Variants in QKI observed in about 807,000 individuals in gnomAD.
The protein encoded by QKI is KH domain-containing RNA-binding protein QKI.
A neutral mutation model predicts 39.0 loss-of-function variants in QKI; 10 were observed. The observed-to-expected ratio is 0.26, with a 90% CI of 0.16 to 0.43. The LOEUF (loss-of-function observed/expected upper bound fraction) is 0.43, where lower values mean the gene tolerates loss of function less well. Among genes scored for constraint, QKI ranks in the 20% least tolerant of loss-of-function variants. The probability of loss-of-function intolerance (pLI) is 1.00; values close to 1 mark genes in which losing one functional copy is unlikely to be tolerated. For missense variants in QKI, 218 were observed against 428.0 expected (o/e 0.51, Z 4.33); for synonymous variants, 204 against 155.4 (o/e 1.31, Z -2.33).
intron 1 of QKI, among the ~76,000 whole-genome samples, chr6:163,445,796 A>G (rs1790110289): frequency 6.6e-6 from 1 of 151,982 alleles, no homozygotes; most frequent in Non-Finnish European, 1.5e-5. Flanking sequence ...TTGTATTTTT[A>G]GTAGAGAAGG....
intron 1 of QKI, among the ~76,000 whole-genome samples, chr6:163,436,044 T>C (rs1789244868): frequency 6.6e-6 from 1 of 152,158 alleles, no homozygotes; most frequent in Non-Finnish European, 1.5e-5. Context: ...TGCATTGTAG[T>C]GTGTATTTTG....
chr6:163,473,108 T>G (rs1297064530), intron 2 of QKI, among the ~76,000 whole-genome samples: 1 of 152,168 alleles, frequency 6.6e-6, no homozygotes, highest in African/African-American at 2.4e-5. Flanking sequence ...AAATCTTAAG[T>G]AAACCACTTG....
At chr6:163,559,160 A>G (rs1782833613) in intron 4 of QKI, among the ~76,000 whole-genome samples, 1 of 152,172 alleles carries the variant, frequency 6.6e-6, no homozygotes, top group Non-Finnish European at 1.5e-5. Flanking sequence ...CAGTGCCAAC[A>G]TGTTTTCAAG....
intron 3 of QKI, among the ~76,000 whole-genome samples, chr6:163,533,638 T>C (rs932705135): frequency 1.3e-5 from 2 of 152,222 alleles, no homozygotes; most frequent in Admixed American, 6.5e-5. Flanking sequence ...AAGAATGTAA[T>C]GTGACCTTAT....
chr6:163,476,989 T>G (rs970185150), intron 2 of QKI, among the ~76,000 whole-genome samples: 13 of 150,346 alleles, frequency 8.6e-5, no homozygotes, highest in Non-Finnish European at 1.9e-4. Flanking sequence ...GATGTGATTT[T>G]CAGATTCCTT....
chr6:163,511,009 A>G (rs1032910913), intron 3 of QKI, among the ~76,000 whole-genome samples: 3 of 152,188 alleles, frequency 2.0e-5, no homozygotes, highest in Non-Finnish European at 4.4e-5. Flanking sequence ...ATTCACCAAA[A>G]CAGAGCATGC....
chr6:163,457,634 A>ATTT (rs375211921), intron 2 of QKI: 76 of 270,334 alleles, frequency 2.8e-4, no homozygotes, highest in East Asian at 5.9e-4. Flanking sequence ...CACTCCTCTA[A>ATTT]TTTTTTTTTT....
intron 1 of QKI, among the ~76,000 whole-genome samples, chr6:163,439,940 G>A (rs1789639348): frequency 6.6e-6 from 1 of 152,134 alleles, no homozygotes; most frequent in Non-Finnish European, 1.5e-5. Context: ...GTGAGCTACT[G>A]TGCCTGGCCT....
chr6:163,417,892 T>A (rs1179086908), intron 1 of QKI, among the ~76,000 whole-genome samples: 2 of 152,204 alleles, frequency 1.3e-5, no homozygotes, highest in Non-Finnish European at 1.5e-5. Context: ...TATTCCTTAG[T>A]GTGGAATAAG....
At chr6:163,419,011 T>C (rs1582947025) in intron 1 of QKI, among the ~76,000 whole-genome samples, 1 of 152,202 alleles carries the variant, frequency 6.6e-6, no homozygotes, top group Middle Eastern at 3.4e-3. Flanking sequence ...CTTTTTATCG[T>C]GGATATCAGA....
chr6:163,428,523 A>G (rs550484910), intron 1 of QKI, among the ~76,000 whole-genome samples: 1 of 152,264 alleles, frequency 6.6e-6, no homozygotes, highest in South Asian at 2.1e-4. Flanking sequence ...CATAGTAATA[A>G]AAAATTATCA....
intron 3 of QKI, among the ~76,000 whole-genome samples, chr6:163,487,373 A>G (rs1011288166): frequency 6.6e-6 from 1 of 152,152 alleles, no homozygotes; most frequent in African/African-American, 2.4e-5. Context: ...CAGACATATA[A>G]TTTCAACTGT....
At chr6:163,563,844 A>G in intron 6 of QKI, 125 bp downstream of exon 6, 2 of 1,469,276 alleles carry the variant, frequency 1.4e-6, no homozygotes, top group South Asian at 1.4e-5. Flanking sequence ...AAGACCGAAA[A>G]CTAAATTTTG....
intron 3 of QKI, among the ~76,000 whole-genome samples, chr6:163,492,010 G>A (rs1257945446): frequency 6.6e-6 from 1 of 152,166 alleles, no homozygotes. Flanking sequence ...TGATTGGATT[G>A]CAGTCAATTT....
intron 1 of QKI, among the ~76,000 whole-genome samples, chr6:163,449,051 T>G (rs1237336862): frequency 6.6e-6 from 1 of 152,162 alleles, no homozygotes; most frequent in Non-Finnish European, 1.5e-5. Flanking sequence ...TTAATGAGTA[T>G]TATCTAAATA....
chr6:163,504,775 A>T (rs1030646240), intron 3 of QKI, among the ~76,000 whole-genome samples: 1 of 152,186 alleles, frequency 6.6e-6, no homozygotes, highest in Non-Finnish European at 1.5e-5. Context: ...CTAGGTATCA[A>T]ATCATATTGT....
intron 4 of QKI, among the ~76,000 whole-genome samples, chr6:163,561,755 A>G (rs1783029835): frequency 6.6e-6 from 1 of 152,230 alleles, no homozygotes; most frequent in South Asian, 2.1e-4. Context: ...GTAACTGACA[A>G]AAAATTTACA....
chr6:163,531,582 A>G (rs1780853883), intron 3 of QKI, among the ~76,000 whole-genome samples: 1 of 152,190 alleles, frequency 6.6e-6, no homozygotes, highest in Non-Finnish European at 1.5e-5. Context: ...AGAGTCAGGT[A>G]AATTTTAAGT....
intron 7 of QKI, chr6:163,569,749 T>C: frequency 1.0e-6 from 1 of 991,034 alleles, no homozygotes; most frequent in Non-Finnish European, 1.2e-6. Flanking sequence ...GGAATGTATA[T>C]GAAATGTCAG....
Sources: allele counts gnomAD v4.1 joint callset (sites outside exome capture counted in the v4.1 genomes callset), GRCh38; gene constraint gnomAD v4.1.1; transcripts MANE v1.5; gene names NCBI Gene and HGNC (gene_info 2026-07-23, HGNC 2026-07-21).